LCLAT1: variants seen among roughly 807,000 people sequenced by gnomAD.
LCLAT1 encodes 1-AGP acyltransferase 8.
In LCLAT1, 11 loss-of-function variants were observed where a neutral mutation model predicts 30.7. The ratio of observed to expected loss-of-function variants is 0.36; its 90% CI spans 0.23 to 0.59. LCLAT1 has a LOEUF of 0.59. Ranked by LOEUF, LCLAT1 falls within the 20% of genes least tolerant of loss-of-function variation. The pLI is 0.77. For missense variants in LCLAT1, 402 were observed against 458.6 expected (o/e 0.88, Z 1.13); for synonymous variants, 155 against 151.3 (o/e 1.02, Z -0.18).
rs570936895 is a variant in LCLAT1 at position 30,572,569 on chromosome 2, G to A, written c.628+4393G>A. On this transcript the variant is annotated intron_variant, in intron 5 of 5. Transcript: ENST00000379509. ...TGCTGCACCTGTGGAGCCTGGCTCC[G>A]TTTAGCAACTTTCACAGGGTCATAC... 1.7e-4 allele frequency among the ~76,000 whole-genome samples: 26 copies of A among 152,236 alleles called. No homozygotes were observed. In the South Asian group the frequency reaches 3.5e-3, roughly 21 times the overall value.
chr2:30,496,025 G>A (rs1684092998), intron 1 of LCLAT1, among the ~76,000 whole-genome samples: 1 of 152,102 alleles, frequency 6.6e-6, no homozygotes, highest in South Asian at 2.1e-4. Flanking sequence ...AAGCTTGGCT[G>A]GGGAGGCCTC....
intron 5 of LCLAT1, among the ~76,000 whole-genome samples, chr2:30,611,824 A>G (rs1435577592): frequency 6.6e-6 from 1 of 152,200 alleles, no homozygotes; most frequent in Admixed American, 6.5e-5. Flanking sequence ...ACTCAAGTGA[A>G]GTACTGTGGT....
chr2:30,580,825 T>C (rs192980011), intron 5 of LCLAT1, among the ~76,000 whole-genome samples: 1 of 152,248 alleles, frequency 6.6e-6, no homozygotes, highest in African/African-American at 2.4e-5. Flanking sequence ...GCCTGGTGAG[T>C]AAATCGTTCC....
At chr2:30,466,264 TC>T (rs5830171) in intron 1 of LCLAT1, among the ~76,000 whole-genome samples, 17,454 of 147,872 alleles carry the variant, frequency 0.12, 1,137 homozygotes, top group South Asian at 0.21. Flanking sequence ...TTTCCTGCTT[TC>T]TTTTTTTTTT....
At chr2:30,500,404 A>C (rs2148341273) in intron 1 of LCLAT1, among the ~76,000 whole-genome samples, 1 of 152,332 alleles carries the variant, frequency 6.6e-6, no homozygotes, top group Middle Eastern at 3.4e-3. Flanking sequence ...TGCCTAGATA[A>C]GCTTGTTTCA....
chr2:30,596,017 A>G (rs1194106894), intron 5 of LCLAT1, among the ~76,000 whole-genome samples: 8 of 152,162 alleles, frequency 5.3e-5, no homozygotes, highest in Non-Finnish European at 1.2e-4. Flanking sequence ...TATATGTACC[A>G]CATTTTCTTT....
chr2:30,457,768 T>C (rs1379689441), intron 1 of LCLAT1, among the ~76,000 whole-genome samples: 1 of 152,228 alleles, frequency 6.6e-6, no homozygotes, highest in Non-Finnish European at 1.5e-5. Flanking sequence ...CTTTAACAGA[T>C]TGAACTCCAA....
chr2:30,598,381 T>C (rs1667024933), intron 5 of LCLAT1, among the ~76,000 whole-genome samples: 1 of 151,892 alleles, frequency 6.6e-6, no homozygotes, highest in South Asian at 2.1e-4. Flanking sequence ...AGGGTGTATG[T>C]GTCCAAGAAT....
intron 3 of LCLAT1, among the ~76,000 whole-genome samples, chr2:30,536,334 G>A (rs1686238798): frequency 6.6e-6 from 1 of 152,144 alleles, no homozygotes; most frequent in African/African-American, 2.4e-5. Flanking sequence ...CTTCTCCAAG[G>A]CACTTTATGG....
intron 1 of LCLAT1, among the ~76,000 whole-genome samples, chr2:30,500,078 C>T (rs558960581): frequency 4.1e-4 from 62 of 152,228 alleles, no homozygotes; most frequent in Admixed American, 1.6e-3. Flanking sequence ...TGAAAGAAAA[C>T]ACCCATTTTA....
chr2:30,600,487 C>T (rs2148490098), intron 5 of LCLAT1, among the ~76,000 whole-genome samples: 1 of 152,216 alleles, frequency 6.6e-6, no homozygotes, highest in Admixed American at 6.5e-5. Flanking sequence ...AACTCCAAAG[C>T]TAGCAGAAGA....
At chr2:30,592,925 C>CA (rs1490906841) in intron 5 of LCLAT1, among the ~76,000 whole-genome samples, 1 of 152,150 alleles carries the variant, frequency 6.6e-6, no homozygotes, top group Admixed American at 6.5e-5. Context: ...ACATTAGAAA[C>CA]ATTTATTAAT....
chr2:30,516,336 C>T (rs114949827), intron 1 of LCLAT1, among the ~76,000 whole-genome samples: 15,809 of 152,182 alleles, frequency 0.1, 1,065 homozygotes, highest in South Asian at 0.21. Context: ...TCCACCACTG[C>T]TGAACGTCGC....
At chr2:30,560,109 C>T (rs1251595067) in intron 3 of LCLAT1, among the ~76,000 whole-genome samples, 3 of 152,044 alleles carry the variant, frequency 2.0e-5, no homozygotes, top group Non-Finnish European at 2.9e-5. Flanking sequence ...TGTGTGGGAG[C>T]GGGCAGTGTA....
chr2:30,631,264 G>C (rs551273881), intron 5 of LCLAT1, among the ~76,000 whole-genome samples: 117 of 152,200 alleles, frequency 7.7e-4, no homozygotes, highest in African/African-American at 2.7e-3. Context: ...TTTCTCTTGG[G>C]AGCAAGACAA....
intron 3 of LCLAT1, among the ~76,000 whole-genome samples, chr2:30,538,550 G>A (rs371827849): frequency 4.5e-4 from 69 of 152,042 alleles, no homozygotes; most frequent in African/African-American, 1.4e-3. Flanking sequence ...CAGGAGGATC[G>A]CTTGAACCCA....
chr2:30,510,991 GT>G (rs1327328421), intron 1 of LCLAT1, among the ~76,000 whole-genome samples: 1 of 151,864 alleles, frequency 6.6e-6, no homozygotes, highest in African/African-American at 2.4e-5. Flanking sequence ...TTTCTTTGAA[GT>G]TTTCTTTTCC....
intron 1 of LCLAT1, among the ~76,000 whole-genome samples, chr2:30,484,447 G>T (rs1008620516): frequency 2.0e-5 from 3 of 152,126 alleles, no homozygotes; most frequent in Non-Finnish European, 2.9e-5. Flanking sequence ...GTTGTACCAT[G>T]TGATTCTAGT....
At chr2:30,639,850 T>C (rs1421968712) in intron 5 of LCLAT1, among the ~76,000 whole-genome samples, 1 of 152,228 alleles carries the variant, frequency 6.6e-6, no homozygotes, top group East Asian at 1.9e-4. Flanking sequence ...TTAGTAGTTT[T>C]AGAATGGCAG....
Sources: gnomAD v4.1 joint callset for allele counts (sites outside exome capture counted in the v4.1 genomes callset) on GRCh38, gnomAD v4.1.1 for gene constraint, MANE v1.5 for transcripts, NCBI Gene and HGNC (gene_info 2026-07-23, HGNC 2026-07-21) for gene names.